SATB2: variants seen among roughly 807,000 people sequenced by gnomAD.
SATB2 encodes DNA-binding protein SATB2.
A neutral mutation model predicts 73.4 loss-of-function variants in SATB2; 1 was observed. That is an observed-to-expected ratio of 0.01 (90% confidence interval 0.00 to 0.06). The LOEUF is 0.06. Ranked by LOEUF, SATB2 falls within the 10% of genes least tolerant of loss-of-function variation. The probability of loss-of-function intolerance (pLI) is 1.00; values close to 1 mark genes in which losing one functional copy is unlikely to be tolerated. For missense variants in SATB2, 459 were observed against 945.8 expected (o/e 0.49, Z 6.75); for synonymous variants, 397 against 367.0 (o/e 1.08, Z -0.93).
chr2:199,416,908 T>C lies in SATB2; in HGVS notation c.346+16430A>G, dbSNP rs184989965. ...AATATTAGCCAGGTATGGTGGCAGGTGCCTGTGGTCCCAGCTACTCCGGAG... is the reference window on the plus strand; with the variant it reads ...AATATTAGCCAGGTATGGTGGCAGGCGCCTGTGGTCCCAGCTACTCCGGAG... On this transcript the variant is annotated intron_variant, in intron 3 of 10. Coordinates refer to ENST00000417098, the MANE Select transcript of SATB2 (RefSeq NM_001172509.2). Among the ~76,000 whole-genome samples the C allele has an allele frequency of 7.1e-3, 1,080 of 151,996 alleles. 5 individuals carry two copies. Among genetic ancestry groups the C allele is most frequent in the Non-Finnish European group, 0.012 (793 of 67,968 alleles).
chr2:199,381,889 A>G, intron 3 of SATB2, 69 bp from the exon 4 acceptor site: 1 of 1,559,950 alleles, frequency 6.4e-7, no homozygotes, highest in Non-Finnish European at 8.8e-7. Context: ...TGTTTGTTCA[A>G]TGTTAAGAAG....
chr2:199,418,826 G>A (rs928985070), intron 3 of SATB2, among the ~76,000 whole-genome samples: 2 of 152,146 alleles, frequency 1.3e-5, no homozygotes, highest in Admixed American at 1.3e-4. Flanking sequence ...AAGAGACTAT[G>A]ATCTGCTGTA....
chr2:199,380,228 C>A, intron 5 of SATB2, 136 bp downstream of exon 5: 7 of 1,167,666 alleles, frequency 6.0e-6, no homozygotes, highest in Non-Finnish European at 6.4e-6. Context: ...GCAACATAAT[C>A]TTTTACACCT....
intron 9 of SATB2, among the ~76,000 whole-genome samples, chr2:199,309,342 T>A (rs193122554): frequency 4.6e-5 from 7 of 152,356 alleles, no homozygotes; most frequent in Admixed American, 3.9e-4. Flanking sequence ...TAAACAAATA[T>A]GCATAACAGG....
At chr2:199,419,610 G>A (rs1389821641) in intron 3 of SATB2, among the ~76,000 whole-genome samples, 1 of 152,184 alleles carries the variant, frequency 6.6e-6, no homozygotes, top group Non-Finnish European at 1.5e-5. Context: ...AACGGTTCCT[G>A]TCATCTTGTA....
intron 3 of SATB2, among the ~76,000 whole-genome samples, chr2:199,425,678 G>A (rs1179430067): frequency 6.6e-6 from 1 of 151,986 alleles, no homozygotes; most frequent in Non-Finnish European, 1.5e-5. Context: ...ACCTTCATGT[G>A]AGCCATAATT....
intron 10 of SATB2, among the ~76,000 whole-genome samples, chr2:199,301,409 C>T (rs1381757693): frequency 1.3e-5 from 2 of 152,136 alleles, no homozygotes; most frequent in African/African-American, 4.8e-5. Context: ...AACTTTCCAG[C>T]CCAAAGACAG....
rs974099456 is a variant in SATB2, at chr2:199,355,142, A to T, written c.701-5969T>A. ...TTATATATTTTAGGTTGTTACAAGA[A>T]CATTTTCAAAACTCAAAAAATAAAA... On this transcript the variant is annotated intron_variant, in intron 6 of 10. Transcript: ENST00000417098. Among the ~76,000 whole-genome samples the T allele has an allele frequency of 2.0e-5, 3 of 151,670 alleles. No individual in the cohort carries two copies. In the East Asian group the frequency reaches 5.8e-4, roughly 29 times the overall value.
intron 3 of SATB2, among the ~76,000 whole-genome samples, chr2:199,384,559 T>C (rs1689873188): frequency 6.6e-6 from 1 of 152,232 alleles, no homozygotes. Flanking sequence ...CCTTCCCTGA[T>C]ATAAAATAGA....
chr2:199,421,201 A>G (rs1691157616), intron 3 of SATB2, among the ~76,000 whole-genome samples: 1 of 152,154 alleles, frequency 6.6e-6, no homozygotes, highest in Admixed American at 6.5e-5. Flanking sequence ...ACCATCTCAT[A>G]CTTGGTATGC....
At chr2:199,310,204 A>T (rs1389092607) in intron 9 of SATB2, among the ~76,000 whole-genome samples, 1 of 152,212 alleles carries the variant, frequency 6.6e-6, no homozygotes, top group Admixed American at 6.5e-5. Context: ...AGCTGTAGGC[A>T]CTGAACTGTG....
intron 10 of SATB2, among the ~76,000 whole-genome samples, chr2:199,304,855 G>A (rs1264475773): frequency 6.6e-6 from 1 of 152,162 alleles, no homozygotes; most frequent in African/African-American, 2.4e-5. Context: ...TCCCAAGGAA[G>A]AACCGTCTCA....
chr2:199,417,848 T>A (rs1417935736), intron 3 of SATB2, among the ~76,000 whole-genome samples: 1 of 152,156 alleles, frequency 6.6e-6, no homozygotes, highest in Admixed American at 6.5e-5. Context: ...AAAATAACAT[T>A]CTTCTAAGTT....
At chr2:199,397,188 A>G (rs1374163750) in intron 3 of SATB2, among the ~76,000 whole-genome samples, 1 of 152,236 alleles carries the variant, frequency 6.6e-6, no homozygotes, top group Admixed American at 6.5e-5. Flanking sequence ...TACGCTACAC[A>G]GAAATATACC....
Position 199,328,724 on chromosome 2 carries a change from T to C in SATB2, c.1360A>G (p.Ser454Gly). The C allele has an allele frequency of 6.2e-7, 1 of 1,613,372 alleles. No individual in the cohort carries two copies. Among genetic ancestry groups the C allele is most frequent in the Non-Finnish European group, 8.5e-7 (1 of 1,179,886 alleles). ...NVSMVSSASSSPSSSRTPQAK... is the reference protein window; with the variant it reads ...NVSMVSSASSGPSSSRTPQAK... ...TGAGGGGTTCGGGAGGAGCTGGGAC[T>C]GCTGGAGGCCGAGGAGACCATGCTC... Residue 454 changes from serine (S) to glycine (G), a missense_variant, in exon 8 of 11, where the codon AGT becomes GGT. Transcript: ENST00000417098.
intron 2 of SATB2, among the ~76,000 whole-genome samples, chr2:199,447,243 T>C (rs577564897): frequency 6.6e-6 from 1 of 152,274 alleles, no homozygotes; most frequent in Admixed American, 6.5e-5. Flanking sequence ...CATAGCTCTG[T>C]GGAATGAGAG....
At chr2:199,438,078 A>T (rs1016537509) in intron 2 of SATB2, among the ~76,000 whole-genome samples, 9 of 152,224 alleles carry the variant, frequency 5.9e-5, no homozygotes, top group African/African-American at 1.2e-4. Flanking sequence ...AAGTATACAT[A>T]CTAGATTTTA....
intron 10 of SATB2, among the ~76,000 whole-genome samples, chr2:199,283,228 CG>C (rs1692582305): frequency 6.7e-6 from 1 of 150,040 alleles, no homozygotes; most frequent in Admixed American, 6.7e-5. Context: ...GGAATACAGG[CG>C]CCCGCCACCA....
intron 2 of SATB2, among the ~76,000 whole-genome samples, chr2:199,439,496 G>A (rs951366224): frequency 2.0e-5 from 3 of 152,144 alleles, no homozygotes; most frequent in Non-Finnish European, 2.9e-5. Context: ...TCTTTTCTTC[G>A]TATAAAACTG....
Sources: gnomAD v4.1 joint callset for allele counts (sites outside exome capture counted in the v4.1 genomes callset) on GRCh38, gnomAD v4.1.1 for gene constraint, MANE v1.5 for transcripts, NCBI Gene and HGNC (gene_info 2026-07-23, HGNC 2026-07-21) for gene names.